Variants in DNAH8 observed in about 807,000 individuals in gnomAD.
The protein encoded by DNAH8 is dynein axonemal heavy chain 8.
DNAH8 carries 382 observed loss-of-function variants against 562.1 expected under a neutral mutation model. The ratio of observed to expected loss-of-function variants is 0.68; its 90% CI spans 0.63 to 0.74. DNAH8 has a LOEUF of 0.74. Ranked by LOEUF, DNAH8 falls within the 30% of genes least tolerant of loss-of-function variation. The pLI is 0.00. For missense variants in DNAH8, 5,203 were observed against 5,620.4 expected (o/e 0.93, Z 2.37); for synonymous variants, 1,881 against 1,919.4 (o/e 0.98, Z 0.52).
intron 51 of DNAH8, 22 bp from the exon 52 acceptor site, chr6:38,873,214 A>G: frequency 1.2e-6 from 2 of 1,612,744 alleles, no homozygotes; most frequent in African/African-American, 1.3e-5. Flanking sequence ...CAATAAACAC[A>G]GATTCTGTTT....
chr6:38,958,991 T>G (rs1762446221), intron 82 of DNAH8, among the ~76,000 whole-genome samples: 1 of 152,180 alleles, frequency 6.6e-6, no homozygotes, highest in East Asian at 1.9e-4. Flanking sequence ...AATCAGTAAG[T>G]GTGATATATG....
intron 88 of DNAH8, among the ~76,000 whole-genome samples, chr6:38,997,731 A>C (rs1005450471): frequency 1.3e-5 from 2 of 152,148 alleles, no homozygotes; most frequent in Non-Finnish European, 2.9e-5. Flanking sequence ...GGTGTTCAAC[A>C]GCATTCTTGC....
At chr6:38,889,954 G>C (rs1779228534) in intron 57 of DNAH8, among the ~76,000 whole-genome samples, 1 of 152,242 alleles carries the variant, frequency 6.6e-6, no homozygotes, top group South Asian at 2.1e-4. Flanking sequence ...AGTCTCACTG[G>C]AGTGAAGCAG....
rs560358255 is a variant in DNAH8 at position 38,858,074 on chromosome 6, G to C, written c.5958+332G>C. ...AGGAGCACAGATGGAACGGAATCAG[G>C]CTTCAGAGCACTCTCACGGCTGTTC... is the stretch of plus-strand genomic sequence containing the variant. On this transcript the variant is annotated intron_variant, in intron 42 of 92. Transcript: ENST00000327475. Among the ~76,000 whole-genome samples the C allele has an allele frequency of 2.0e-5, 3 of 152,316 alleles. No homozygotes were observed. The East Asian group carries it at 5.8e-4, about 29-fold the overall frequency.
chr6:38,880,106 G>A (rs1426004904), intron 53 of DNAH8, among the ~76,000 whole-genome samples: 3 of 152,050 alleles, frequency 2.0e-5, no homozygotes, highest in South Asian at 2.1e-4. Context: ...AATTAGCCAG[G>A]TGTTGTGGTA....
chr6:38,821,799 C>A (rs944205015), intron 26 of DNAH8, among the ~76,000 whole-genome samples: 1 of 152,160 alleles, frequency 6.6e-6, no homozygotes, highest in Non-Finnish European at 1.5e-5. Context: ...TGGACTCAAA[C>A]GATCTCCCCG....
intron 89 of DNAH8, among the ~76,000 whole-genome samples, chr6:39,010,780 TAC>T (rs57647007): frequency 5.5e-5 from 8 of 144,936 alleles, no homozygotes; most frequent in African/African-American, 1.8e-4. Context: ...TATATATATA[TAC>T]ACACACACGC....
At chr6:38,906,184 G>T in intron 62 of DNAH8, 70 bp from the exon 63 acceptor site, 1 of 993,664 alleles carries the variant, frequency 1.0e-6, no homozygotes, top group South Asian at 1.8e-5. Flanking sequence ...TGGGATTACA[G>T]GTGTGAGCCA....
chr6:38,929,323 A>C (rs1453631023), intron 74 of DNAH8, 188 bp from the exon 75 acceptor site: 1 of 522,946 alleles, frequency 1.9e-6, no homozygotes, highest in Non-Finnish European at 3.3e-6. Context: ...TCTAGACCCC[A>C]TTCAACAAAA....
At chr6:38,753,209 T>C (rs573966698) in intron 9 of DNAH8, among the ~76,000 whole-genome samples, 29 of 152,352 alleles carry the variant, frequency 1.9e-4, no homozygotes, top group East Asian at 7.7e-4. Context: ...ACATTTATAC[T>C]ATTTCTTAGG....
intron 1 of DNAH8, among the ~76,000 whole-genome samples, chr6:38,718,226 T>G (rs1216516401): frequency 6.6e-6 from 1 of 152,234 alleles, no homozygotes; most frequent in Admixed American, 6.5e-5. Context: ...CATGTTGTAG[T>G]GAACCACCAA....
intron 1 of DNAH8, among the ~76,000 whole-genome samples, chr6:38,715,960 A>T (rs1781729): frequency 0.15 from 3,514 of 23,746 alleles, 845 homozygotes; most frequent in East Asian, 0.4. Context: ...ATATATATAT[A>T]TTTTTTTTTT....
At chr6:38,818,782 G>A (rs1014289064) in intron 26 of DNAH8, among the ~76,000 whole-genome samples, 1 of 152,224 alleles carries the variant, frequency 6.6e-6, no homozygotes, top group Non-Finnish European at 1.5e-5. Flanking sequence ...AACCTGGTCT[G>A]TATTCTTGTC....
chr6:38,944,383 C>T (rs192715691), intron 79 of DNAH8, among the ~76,000 whole-genome samples: 30 of 152,250 alleles, frequency 2.0e-4, no homozygotes, highest in African/African-American at 6.3e-4. Context: ...CTACTCAGGA[C>T]GATGCTAGAT....
At chr6:38,807,513 C>A in intron 23 of DNAH8, 97 bp from the exon 24 acceptor site, 1 of 492,706 alleles carries the variant, frequency 2.0e-6, no homozygotes, top group Non-Finnish European at 3.5e-6. Flanking sequence ...TATTTGTTGC[C>A]TTTCACATGC....
chr6:38,818,804 A>G (rs781540715), intron 26 of DNAH8, among the ~76,000 whole-genome samples: 9 of 152,198 alleles, frequency 5.9e-5, no homozygotes, highest in Non-Finnish European at 1.2e-4. Context: ...GGACTTTCTT[A>G]TTCTCACCAT....
rs1766279399 is a variant in DNAH8, at chr6:39,012,457, G to A, written c.13534G>A (p.Asp4512Asn). 1.2e-6 allele frequency: 2 copies of A among 1,612,530 alleles called. No homozygotes were observed. Among genetic ancestry groups the A allele is most frequent in the South Asian group, 2.2e-5 (2 of 90,982 alleles). ...ACTTTTTCTTCTCCAGAATCTGAGA[G>A]ATGCTCTGGACAACATGTATGATGC... The part of the protein sequence containing the change: ...GTIIMSENLR[D>N]ALDNMYDARI... Residue 4512 changes from aspartate (D) to asparagine (N), a missense_variant, in exon 91 of 93, where the codon GAT becomes AAT. Coordinates refer to ENST00000327475, the MANE Select transcript of DNAH8 (RefSeq NM_001206927.2).
Position 38,973,783 on chromosome 6 carries a change from C to A in DNAH8, c.12648C>A (p.Pro4216=). 6.2e-7 allele frequency: 1 copy of A among 1,605,752 alleles called. No individual in the cohort carries two copies. Among genetic ancestry groups the A allele is most frequent in the Non-Finnish European group, 8.5e-7 (1 of 1,177,456 alleles). The change falls in exon 84 of 93, where the codon CCC becomes CCA. Residue 4216 remains proline, a synonymous_variant. Transcript: ENST00000327475. ...TCCGAGTATGGATAACTACGGAGCC[C>A]CATGATCGATTTCCAATTACATTGC... The part of the protein sequence containing the change: ...DSFRVWITTE[P]HDRFPITLLQ...
chr6:38,991,730 G>T (rs1327314706), intron 88 of DNAH8, among the ~76,000 whole-genome samples: 1 of 152,080 alleles, frequency 6.6e-6, no homozygotes, highest in Non-Finnish European at 1.5e-5. Flanking sequence ...CTGTTACTCA[G>T]ACAGGCCAGA....
Sources: gnomAD v4.1 joint callset for allele counts (sites outside exome capture counted in the v4.1 genomes callset) on GRCh38, gnomAD v4.1.1 for gene constraint, MANE v1.5 for transcripts, NCBI Gene and HGNC (gene_info 2026-07-23, HGNC 2026-07-21) for gene names.